The following NUCB2 variants were observed in gnomAD, a reference collection of about 807,000 sequenced individuals.
NUCB2 encodes nucleobindin 2.
NUCB2 carries 48 observed loss-of-function variants against 57.9 expected under a neutral mutation model. That is an observed-to-expected ratio of 0.83 (90% confidence interval 0.66 to 1.05). NUCB2 has a LOEUF of 1.05. Ranked by LOEUF, NUCB2 falls within the 50% of genes least tolerant of loss-of-function variation. The pLI is 0.00. For synonymous variants in NUCB2, 139 were observed against 152.1 expected, an observed-to-expected ratio of 0.91 and a Z score of 0.64; for missense variants, 442 against 476.2, an observed-to-expected ratio of 0.93 and a Z score of 0.67.
intron 5 of NUCB2, among the ~76,000 whole-genome samples, chr11:17,305,714 T>C (rs1461542550): frequency 1.3e-5 from 2 of 152,080 alleles, no homozygotes; most frequent in Non-Finnish European, 2.9e-5. Context: ...CTCAGACTCC[T>C]GGGCTCAAGA....
Position 17,315,460 on chromosome 11 carries a change from G to A in NUCB2, c.987G>A (p.Glu329=), listed in dbSNP as rs777644383. 9 of 1,607,586 alleles carry A rather than the reference G, an allele frequency of 5.6e-6. No homozygotes were observed. Among genetic ancestry groups the A allele is most frequent in the African/African-American group, 1.3e-5 (1 of 74,778 alleles). ...LKATEKKEFL[E]PDSWETLDQQ... ...CCACAGAAAAAAAAGAATTCTTGGAGCCAGATAGCTGGGAGGTAATAGAAC... is the reference window on the plus strand; with the variant it reads ...CCACAGAAAAAAAAGAATTCTTGGAACCAGATAGCTGGGAGGTAATAGAAC... The change falls in exon 11 of 14, where the codon GAG becomes GAA. Residue 329 remains glutamate, a synonymous_variant. Coordinates refer to ENST00000529010, the MANE Select transcript of NUCB2 (RefSeq NM_005013.4).
intron 2 of NUCB2, among the ~76,000 whole-genome samples, chr11:17,294,932 G>C (rs528322260): frequency 3.2e-4 from 49 of 151,960 alleles, no homozygotes; most frequent in Middle Eastern, 3.4e-3. Flanking sequence ...CCTGTAATCC[G>C]AGCTGCTTGG....
rs368789759 is a variant in NUCB2 at position 17,330,252 on chromosome 11, A to C, written c.1128A>C (p.Gln376His). 1 of 1,611,666 alleles carries C rather than the reference A, an allele frequency of 6.2e-7. No homozygotes were observed. The highest frequency in any genetic ancestry group is 1.7e-5 in the Admixed American group (1 of 59,556). ...TTCAGAAACAAAAAGAAGAGCTACA[A>C]CGTCAGCATGATCAACTGGAGGCTC... ...DELQKQKEEL[Q>H]RQHDQLEAQK... The change falls in exon 12 of 14, where the codon CAA (glutamine) becomes CAC (histidine). Residue 376 changes from glutamine (Q) to histidine (H), a missense_variant. By Grantham distance (24) the Gln-to-His change is conservative. Transcript: ENST00000529010. This position sits in a 1 kb window ranked among gnomAD's most constrained non-coding sequence, Gnocchi z 4.3.
intron 11 of NUCB2, among the ~76,000 whole-genome samples, chr11:17,323,348 T>A (rs1438325161): frequency 6.6e-6 from 1 of 152,218 alleles, no homozygotes; most frequent in African/African-American, 2.4e-5. Flanking sequence ...ATATGGTTTT[T>A]GTTTTTCATT....
At chr11:17,310,644 C>A (rs1029762180) in intron 6 of NUCB2, among the ~76,000 whole-genome samples, 181 bp from the exon 7 acceptor site, 20 of 147,300 alleles carry the variant, frequency 1.4e-4, no homozygotes, top group South Asian at 6.5e-4. Context: ...AACTCCGTCT[C>A]AAAAAAAAAG....
At chr11:17,325,425 A>G (rs765871602) in intron 11 of NUCB2, among the ~76,000 whole-genome samples, 40 of 152,082 alleles carry the variant, frequency 2.6e-4, no homozygotes, top group Non-Finnish European at 5.3e-4. Context: ...GGACCCATTT[A>G]TCATTTTCTT....
At chr11:17,321,524 C>G (rs1198396583) in intron 11 of NUCB2, among the ~76,000 whole-genome samples, 1 of 152,100 alleles carries the variant, frequency 6.6e-6, no homozygotes, top group African/African-American at 2.4e-5. Flanking sequence ...TAGCTTGCTT[C>G]CAAATCTTAG....
At chr11:17,313,338 T>A (rs1948786425) in intron 10 of NUCB2, among the ~76,000 whole-genome samples, 1 of 151,954 alleles carries the variant, frequency 6.6e-6, no homozygotes. Context: ...GAGACCAGCC[T>A]GGCAAACATG....
chr11:17,331,057 A>G (rs1299024273), intron 13 of NUCB2, 74 bp downstream of exon 13: 4 of 967,086 alleles, frequency 4.1e-6, no homozygotes, highest in Non-Finnish European at 6.3e-6. Flanking sequence ...TTTATTACAA[A>G]TATAATTTCA....
chr11:17,344,265 A>G (rs1407627712), intron 2 of NUCB2, among the ~76,000 whole-genome samples: 1 of 152,236 alleles, frequency 6.6e-6, no homozygotes, highest in Non-Finnish European at 1.5e-5. Flanking sequence ...ATAGTACTTT[A>G]TAGATCTCAG....
At chr11:17,326,851 C>T (rs995825115) in intron 11 of NUCB2, among the ~76,000 whole-genome samples, 1 of 152,150 alleles carries the variant, frequency 6.6e-6, no homozygotes, top group South Asian at 2.1e-4. Flanking sequence ...CCTTTTATTT[C>T]AGATTGAAGA....
In NUCB2 at chr11:17,331,731, T is replaced by G. The variant is rs906587274; in HGVS notation, c.*312T>G. On this transcript the variant is annotated 3_prime_UTR_variant, in exon 14 of 14. Transcript: ENST00000529010. ...TTATGCCATAATTTAGTGAAACTAT[T>G]AGGAACTATTTAAGTGAGAAAACTC... 7 of 256,370 alleles carry G rather than the reference T, an allele frequency of 2.7e-5. No homozygotes were observed. The highest frequency in any genetic ancestry group is 5.4e-5 in the Admixed American group (1 of 18,548). 15.9% of individuals were successfully genotyped at this position (256,370 alleles called of 1,614,324 possible).
At chr11:17,322,793 C>G (rs1173150269) in intron 11 of NUCB2, among the ~76,000 whole-genome samples, 1 of 151,944 alleles carries the variant, frequency 6.6e-6, no homozygotes, top group African/African-American at 2.4e-5. Context: ...TTATAGAGAT[C>G]TTAACTTCTT....
At chr11:17,287,638 A>G (rs1386201450) in intron 2 of NUCB2, among the ~76,000 whole-genome samples, 1 of 145,148 alleles carries the variant, frequency 6.9e-6, no homozygotes, top group Non-Finnish European at 1.5e-5. Context: ...GCACCACTGC[A>G]TTCTAGCCTG....
intron 2 of NUCB2, among the ~76,000 whole-genome samples, chr11:17,338,558 T>C (rs1228993726): frequency 6.6e-6 from 1 of 152,206 alleles, no homozygotes; most frequent in Non-Finnish European, 1.5e-5. Context: ...TAAATATATT[T>C]CCCAAGCCTT....
intron 11 of NUCB2, among the ~76,000 whole-genome samples, chr11:17,316,490 G>C (rs1024143775): frequency 6.6e-6 from 1 of 152,060 alleles, no homozygotes; most frequent in African/African-American, 2.4e-5. Context: ...GTAAATTCCA[G>C]TATTTTACTG....
At chr11:17,323,093 T>C (rs1950231604) in intron 11 of NUCB2, among the ~76,000 whole-genome samples, 1 of 152,126 alleles carries the variant, frequency 6.6e-6, no homozygotes, top group African/African-American at 2.4e-5. Context: ...GTCTTATTGA[T>C]CTAGCTGGGA....
At chr11:17,289,237 C>T (rs1174360891) in intron 2 of NUCB2, among the ~76,000 whole-genome samples, 1 of 152,074 alleles carries the variant, frequency 6.6e-6, no homozygotes, top group East Asian at 1.9e-4. Flanking sequence ...GCATTACAGG[C>T]GTGAGCCACC....
intron 10 of NUCB2, among the ~76,000 whole-genome samples, chr11:17,313,742 C>A (rs1238134693): frequency 6.6e-6 from 1 of 152,038 alleles, no homozygotes; most frequent in African/African-American, 2.4e-5. Context: ...TTTTAGGAAA[C>A]CACCCCTCCT....
Sources: gnomAD v4.1 joint callset for allele counts (sites outside exome capture counted in the v4.1 genomes callset) on GRCh38, gnomAD v4.1.1 for gene constraint, Gnocchi (gnomAD v3.1) non-coding constraint, MANE v1.5 for transcripts, NCBI Gene and HGNC (gene_info 2026-07-23, HGNC 2026-07-21) for gene names.